Variants in SLC24A2 observed in about 807,000 individuals in gnomAD.
SLC24A2 encodes sodium/potassium/calcium exchanger 2.
In SLC24A2, 36 loss-of-function variants were observed where a neutral mutation model predicts 62.0. That is an observed-to-expected ratio of 0.58 (90% CI 0.44 to 0.77). The LOEUF is 0.77. SLC24A2 is among the 30% of genes least tolerant of loss of function. SLC24A2 has a pLI of 0.00. For missense variants in SLC24A2, 846 were observed against 817.9 expected, an observed-to-expected ratio of 1.03 and a Z score of -0.42; for synonymous variants, 358 against 294.0, an observed-to-expected ratio of 1.22 and a Z score of -2.23.
the SLC24A2 span, among the ~76,000 whole-genome samples, chr9:19,826,840 G>A: frequency 2.6e-5 from 4 of 152,302 alleles, no homozygotes; most frequent in East Asian, 5.8e-4. Context: ...GATGGAGAGA[G>A]ATTCAGGGCA....
Position 19,632,061 on chromosome 9 carries a change from T to A in SLC24A2, c.931-9762A>T, listed in dbSNP as rs1587066552. 6.6e-6 allele frequency among the ~76,000 whole-genome samples: 1 copy of A among 151,926 alleles called. No individual in the cohort carries two copies. Among genetic ancestry groups the A allele is most frequent in the African/African-American group, 2.4e-5 (1 of 41,336 alleles). ...CACCTGGCCATCCTGGAAAACAGAG[T>A]AGATGGTAAGGACTAGGAGTCCCAT... On this transcript the variant is annotated intron_variant, in intron 2 of 10. Transcript: ENST00000341998. This position sits in a 1 kb window ranked among gnomAD's most constrained non-coding sequence, Gnocchi z 4.5.
At chr9:20,173,378 A>T in the SLC24A2 span, among the ~76,000 whole-genome samples, 1 of 152,086 alleles carries the variant, frequency 6.6e-6, no homozygotes, top group Non-Finnish European at 1.5e-5. Flanking sequence ...ATTAGCAAAG[A>T]TGAAGTCAAA....
At chr9:20,243,504 T>A in the SLC24A2 span, among the ~76,000 whole-genome samples, 1 of 152,236 alleles carries the variant, frequency 6.6e-6, no homozygotes, top group Non-Finnish European at 1.5e-5. Flanking sequence ...TAGAAAATTA[T>A]AAGCATCATC....
At chr9:19,519,328 AT>A (rs10709456) in intron 10 of SLC24A2, among the ~76,000 whole-genome samples, 53,546 of 150,032 alleles carry the variant, frequency 0.36, 9,656 homozygotes, top group Middle Eastern at 0.44. Flanking sequence ...ATTAGGAGTG[AT>A]TTTTTTTCTT....
At chr9:19,791,140 T>A (rs767933254), upstream of SLC24A2, among the ~76,000 whole-genome samples, 2 of 152,216 alleles carry the variant, frequency 1.3e-5, no homozygotes, top group African/African-American at 4.8e-5. Context: ...AGCTTCAAGA[T>A]GCTATCTGGG....
chr9:19,828,145 C>T, the SLC24A2 span, among the ~76,000 whole-genome samples: 1 of 151,714 alleles, frequency 6.6e-6, no homozygotes, highest in Admixed American at 6.6e-5. Flanking sequence ...TATATTTATC[C>T]TTAACAAAAC....
At chr9:19,739,581 C>A (rs1821612885) in intron 2 of SLC24A2, among the ~76,000 whole-genome samples, 1 of 152,098 alleles carries the variant, frequency 6.6e-6, no homozygotes. Flanking sequence ...ATAATCTTTT[C>A]AATAAATAGT....
At chr9:19,872,522 C>T in the SLC24A2 span, among the ~76,000 whole-genome samples, 1 of 152,110 alleles carries the variant, frequency 6.6e-6, no homozygotes, top group African/African-American at 2.4e-5. Flanking sequence ...CTCTCATTTT[C>T]TGTCCTTCAC....
Position 19,601,508 on chromosome 9 carries a change from C to T in SLC24A2, c.1079-4229G>A, listed in dbSNP as rs147128260. ...TCTTTAAGAGCTATAACACTCACCA[C>T]GAAGGTCCACGGCTCCATTCTGGAA... is the stretch of plus-strand genomic sequence containing the variant. On this transcript the variant is annotated intron_variant, in intron 4 of 10. Coordinates refer to ENST00000341998, the MANE Select transcript of SLC24A2 (RefSeq NM_020344.4). 2.6e-3 allele frequency among the ~76,000 whole-genome samples: 394 copies of T among 152,308 alleles called. 1 individual carries two copies. The highest frequency in any genetic ancestry group is 0.014 in the Middle Eastern group (4 of 294).
At chr9:19,782,208 G>A (rs758794968) in intron 2 of SLC24A2, among the ~76,000 whole-genome samples, 2 of 152,124 alleles carry the variant, frequency 1.3e-5, no homozygotes, top group East Asian at 1.9e-4. Flanking sequence ...ACAGATCAAC[G>A]GCCCCCAGCA....
the SLC24A2 span, among the ~76,000 whole-genome samples, chr9:19,866,887 G>A: frequency 6.6e-6 from 1 of 152,040 alleles, no homozygotes; most frequent in South Asian, 2.1e-4. Flanking sequence ...GATATAGAGA[G>A]TAGAAGGCTG....
intron 2 of SLC24A2, among the ~76,000 whole-genome samples, chr9:19,636,972 A>T (rs952775289): frequency 1.3e-5 from 2 of 152,242 alleles, no homozygotes; most frequent in African/African-American, 4.8e-5. Flanking sequence ...TGGAATAATT[A>T]TTTGGAATGT....
chr9:19,891,608 T>G, the SLC24A2 span, among the ~76,000 whole-genome samples: 2 of 152,088 alleles, frequency 1.3e-5, no homozygotes, highest in East Asian at 1.9e-4. Context: ...GGGCTTGGCA[T>G]AGTGACTCAT....
chr9:19,606,423 A>C (rs1186239283), intron 4 of SLC24A2, among the ~76,000 whole-genome samples: 1 of 152,236 alleles, frequency 6.6e-6, no homozygotes, highest in Non-Finnish European at 1.5e-5. Context: ...GTCAAAGAGA[A>C]GTAGCCACAT....
intron 7 of SLC24A2, among the ~76,000 whole-genome samples, chr9:19,562,032 G>C (rs1432840446): frequency 6.6e-6 from 1 of 152,132 alleles, no homozygotes; most frequent in Non-Finnish European, 1.5e-5. Flanking sequence ...CCTGCAAAAT[G>C]GTTTCTGAAG....
At chr9:20,077,068 A>G in the SLC24A2 span, among the ~76,000 whole-genome samples, 4 of 151,924 alleles carry the variant, frequency 2.6e-5, no homozygotes, top group Non-Finnish European at 4.4e-5. Flanking sequence ...GCATGATCTC[A>G]CTTATATGTG....
upstream of SLC24A2, among the ~76,000 whole-genome samples, chr9:19,789,905 AG>A (rs1823288707): frequency 6.6e-6 from 1 of 152,088 alleles, no homozygotes; most frequent in Admixed American, 6.5e-5. Context: ...CCCATCCAAG[AG>A]GGTTTCTTCA....
the SLC24A2 span, among the ~76,000 whole-genome samples, chr9:20,049,458 G>T: frequency 6.6e-6 from 1 of 151,816 alleles, no homozygotes; most frequent in Admixed American, 6.6e-5. Context: ...TTTGGATGTG[G>T]ATAGGAAGCC....
At chr9:20,144,289 T>A in the SLC24A2 span, among the ~76,000 whole-genome samples, 70 of 152,188 alleles carry the variant, frequency 4.6e-4, no homozygotes, top group Non-Finnish European at 9.3e-4. Context: ...ATAATTTTTT[T>A]ATGTCTTTAG....
Sources: gnomAD v4.1 joint callset for allele counts (sites outside exome capture counted in the v4.1 genomes callset) on GRCh38, gnomAD v4.1.1 for gene constraint, Gnocchi (gnomAD v3.1) non-coding constraint, MANE v1.5 for transcripts, NCBI Gene and HGNC (gene_info 2026-07-23, HGNC 2026-07-21) for gene names.